Variants in SPATA16 observed in about 807,000 individuals in gnomAD.
SPATA16 encodes spermatogenesis-associated protein 16.
A neutral mutation model predicts 63.3 loss-of-function variants in SPATA16; 36 were observed. The observed-to-expected ratio is 0.57, with a 90% CI of 0.44 to 0.75. SPATA16 has a LOEUF of 0.75. SPATA16 is among the 30% of genes least tolerant of loss of function. The pLI is 0.00. For synonymous variants in SPATA16, 203 were observed against 216.7 expected, an observed-to-expected ratio of 0.94 and a Z score of 0.56; for missense variants, 646 against 679.3, an observed-to-expected ratio of 0.95 and a Z score of 0.54.
chr3:173,054,063 G>A (rs1427937363), intron 2 of SPATA16, among the ~76,000 whole-genome samples: 1 of 151,426 alleles, frequency 6.6e-6, no homozygotes, highest in Non-Finnish European at 1.5e-5. Flanking sequence ...TTTAAAATTG[G>A]AAAATAAAAG....
intron 1 of SPATA16, among the ~76,000 whole-genome samples, chr3:173,137,933 A>G (rs1446126740): frequency 6.6e-6 from 1 of 151,778 alleles, no homozygotes; most frequent in African/African-American, 2.4e-5. Context: ...AATGTATGTT[A>G]GAGAGGACTA....
At chr3:173,133,753 C>T (rs1351252184) in intron 1 of SPATA16, among the ~76,000 whole-genome samples, 1 of 151,990 alleles carries the variant, frequency 6.6e-6, no homozygotes, top group African/African-American at 2.4e-5. Context: ...ACAACTCTGT[C>T]AAAGGCTGAT....
chr3:172,980,861 A>G (rs988823873), intron 4 of SPATA16, among the ~76,000 whole-genome samples: 2 of 152,160 alleles, frequency 1.3e-5, no homozygotes, highest in African/African-American at 4.8e-5. Context: ...TTAAAAAGCA[A>G]ACTGGAAAAC....
intron 6 of SPATA16, among the ~76,000 whole-genome samples, chr3:172,942,663 A>G (rs1733183721): frequency 6.6e-6 from 1 of 152,276 alleles, no homozygotes; most frequent in South Asian, 2.1e-4. Context: ...TCTAAAAGAT[A>G]TAAGTAATTT....
Position 173,069,533 on chromosome 3 carries a change from C to T in SPATA16, c.613-20439G>A, listed in dbSNP as rs183826952. Among the ~76,000 whole-genome samples the T allele has an allele frequency of 4.6e-3, 699 of 152,300 alleles. 8 individuals are homozygous for T. Among genetic ancestry groups the T allele is most frequent in the African/African-American group, 0.014 (580 of 41,574 alleles). On this transcript the variant is annotated intron_variant, in intron 2 of 10. Transcript: ENST00000351008. ...AGAAAAGCCCAGGACCTTATGACTT[C>T]ACTGCTGAATTCTACCAAATATACA... is the stretch of plus-strand genomic sequence containing the variant.
rs141502577 is a variant in SPATA16, at chr3:172,958,217, A to G, written c.934-1393T>C. ...CATGGCAAATAAAGGAAGAGACCAG[A>G]CAAGGAATTGCTGGACGTAGAGACC... On this transcript the variant is annotated intron_variant, in intron 5 of 10. Coordinates refer to ENST00000351008, the MANE Select transcript of SPATA16 (RefSeq NM_031955.6). Among the ~76,000 whole-genome samples the G allele has an allele frequency of 3.6e-3, 553 of 152,314 alleles. 3 individuals are homozygous for G. Among genetic ancestry groups the G allele is most frequent in the African/African-American group, 0.013 (529 of 41,562 alleles).
Position 172,974,833 on chromosome 3 carries a change from C to CT in SPATA16, c.933+2134_933+2135insA, listed in dbSNP as rs11459320. Among the ~76,000 whole-genome samples the CT allele has an allele frequency of 3.6e-3, 551 of 152,126 alleles. 3 individuals carry two copies. The highest frequency in any genetic ancestry group is 0.013 in the African/African-American group (538 of 41,504). The stretch of plus-strand genomic sequence containing the variant: ...CCATCCTCACTTTCCAGTTGAAGCT[C>CT]GCTACAGACTAACTTGCCCTAAGTT... On this transcript the variant is annotated intron_variant, in intron 5 of 10. Transcript: ENST00000351008.
At chr3:173,060,102 T>G (rs1029393845) in intron 2 of SPATA16, among the ~76,000 whole-genome samples, 3 of 151,472 alleles carry the variant, frequency 2.0e-5, no homozygotes, top group African/African-American at 7.3e-5. Flanking sequence ...ACTAAAAATA[T>G]AAAAATTAGC....
intron 10 of SPATA16, 25 bp downstream of exon 10, chr3:172,913,636 T>C: frequency 6.2e-7 from 1 of 1,606,202 alleles, no homozygotes; most frequent in South Asian, 1.1e-5. Flanking sequence ...ATAATAGATC[T>C]TTTTCCTTCA....
chr3:173,091,867 TG>T (rs1737231439), intron 2 of SPATA16, among the ~76,000 whole-genome samples: 1 of 152,184 alleles, frequency 6.6e-6, no homozygotes, highest in African/African-American at 2.4e-5. Context: ...TTATAGCTTT[TG>T]CATGTCTTGT....
At chr3:172,909,912 T>A (rs955661973) in intron 10 of SPATA16, among the ~76,000 whole-genome samples, 6 of 152,166 alleles carry the variant, frequency 3.9e-5, no homozygotes, top group Non-Finnish European at 7.3e-5. Context: ...AAATTAGTTG[T>A]TGTTTACATG....
chr3:173,060,968 G>T (rs1287895741), intron 2 of SPATA16, among the ~76,000 whole-genome samples: 1 of 152,128 alleles, frequency 6.6e-6, no homozygotes, highest in African/African-American at 2.4e-5. Context: ...CAAGCCAAAT[G>T]ATTGCTAATA....
chr3:172,997,900 A>T (rs1734726442), intron 4 of SPATA16, among the ~76,000 whole-genome samples: 1 of 152,140 alleles, frequency 6.6e-6, no homozygotes, highest in Non-Finnish European at 1.5e-5. Context: ...ATTAAAGATC[A>T]GTTGACTATA....
chr3:173,129,172 A>T (rs1481214895), intron 1 of SPATA16, among the ~76,000 whole-genome samples: 1 of 152,238 alleles, frequency 6.6e-6, no homozygotes, highest in Non-Finnish European at 1.5e-5. Context: ...AATAAAATGG[A>T]TTGTGCTTCA....
At chr3:172,919,974 T>C (rs1732582427) in intron 8 of SPATA16, among the ~76,000 whole-genome samples, 1 of 152,200 alleles carries the variant, frequency 6.6e-6, no homozygotes, top group African/African-American at 2.4e-5. Flanking sequence ...ATTACAGGCG[T>C]GAACCACTGC....
At chr3:173,064,001 G>A (rs1028616620) in intron 2 of SPATA16, among the ~76,000 whole-genome samples, 4 of 152,122 alleles carry the variant, frequency 2.6e-5, no homozygotes, top group African/African-American at 7.2e-5. Context: ...AAAAAGGAAG[G>A]TGACATACAG....
chr3:172,966,958 A>G (rs1451858426), intron 5 of SPATA16, among the ~76,000 whole-genome samples: 2 of 152,144 alleles, frequency 1.3e-5, no homozygotes, highest in Non-Finnish European at 2.9e-5. Context: ...TAACCATAAA[A>G]CCCTCTAAAT....
intron 6 of SPATA16, among the ~76,000 whole-genome samples, chr3:172,935,477 T>C (rs1342633607): frequency 6.6e-6 from 1 of 152,246 alleles, no homozygotes; most frequent in Non-Finnish European, 1.5e-5. Flanking sequence ...TAGTAAGATA[T>C]ATAATTTTGA....
chr3:173,028,491 G>T (rs1232961527), intron 3 of SPATA16, among the ~76,000 whole-genome samples: 1 of 151,838 alleles, frequency 6.6e-6, no homozygotes, highest in Non-Finnish European at 1.5e-5. Context: ...AAATTGAAAG[G>T]ATGTCGATAA....
Sources: gnomAD v4.1 joint callset for allele counts (sites outside exome capture counted in the v4.1 genomes callset) on GRCh38, gnomAD v4.1.1 for gene constraint, MANE v1.5 for transcripts, NCBI Gene and HGNC (gene_info 2026-07-23, HGNC 2026-07-21) for gene names.